Variants in TPST1 observed in about 807,000 individuals in gnomAD.
The protein encoded by TPST1 is protein-tyrosine sulfotransferase 1.
A neutral mutation model predicts 34.8 loss-of-function variants in TPST1; 20 were observed. That is an observed-to-expected ratio of 0.57 (90% CI 0.40 to 0.84). The LOEUF (loss-of-function observed/expected upper bound fraction) is 0.84, where lower values mean the gene tolerates loss of function less well. Among genes scored for constraint, TPST1 ranks in the 40% least tolerant of loss-of-function variants. The pLI, the probability that TPST1 is intolerant of heterozygous loss-of-function variation, is 0.00. For synonymous variants in TPST1, 152 were observed against 159.4 expected (o/e 0.95, Z 0.35); for missense variants, 353 against 455.5 (o/e 0.78, Z 2.05).
Position 66,356,872 on chromosome 7 carries a change from G to A in TPST1, c.*29+1G>A. 6.2e-7 allele frequency: 1 copy of A among 1,614,152 alleles called. No homozygotes were observed. The highest frequency in any genetic ancestry group is 8.5e-7 in the Non-Finnish European group (1 of 1,180,000). On this transcript the variant is annotated splice_donor_variant, in intron 5 of 5. Coordinates refer to ENST00000304842, the MANE Select transcript of TPST1 (RefSeq NM_003596.4). LOFTEE classifies it low-confidence loss of function (3UTR_SPLICE). ...ACCAGGAGCCTCTTCCATACATGAG[G>A]TGAGGGTTGGGGGACATTGCCAGGT...
At chr7:66,207,461 G>A (rs1416749113) in intron 1 of TPST1, among the ~76,000 whole-genome samples, 1 of 152,160 alleles carries the variant, frequency 6.6e-6, no homozygotes, top group Non-Finnish European at 1.5e-5. Context: ...TAACGTCTTT[G>A]ATCTCTTCCC....
chr7:66,229,964 G>A (rs916973243), intron 1 of TPST1, among the ~76,000 whole-genome samples: 2 of 152,070 alleles, frequency 1.3e-5, no homozygotes, highest in Non-Finnish European at 1.5e-5. Flanking sequence ...CGAGGCGGGC[G>A]GATCATGAGG....
At chr7:66,343,398 T>TGCAAGAGA (rs1035061031) in intron 3 of TPST1, among the ~76,000 whole-genome samples, 4 of 152,108 alleles carry the variant, frequency 2.6e-5, no homozygotes, top group Non-Finnish European at 5.9e-5. Context: ...CACTGGGTAC[T>TGCAAGAGA]GCAAGAGACA....
At chr7:66,199,587 C>T in the TPST1 span, among the ~76,000 whole-genome samples, 1 of 152,008 alleles carries the variant, frequency 6.6e-6, no homozygotes, top group African/African-American at 2.4e-5. Flanking sequence ...AGCCACTGCA[C>T]CTGGCCTCAA....
chr7:66,206,238 G>A (rs1789128915), intron 1 of TPST1, among the ~76,000 whole-genome samples: 1 of 151,370 alleles, frequency 6.6e-6, no homozygotes, highest in Admixed American at 6.6e-5. Flanking sequence ...GATTACAGGC[G>A]TGAGCCACTG....
At chr7:66,201,272 G>A (rs1789031336), upstream of TPST1, among the ~76,000 whole-genome samples, 1 of 151,220 alleles carries the variant, frequency 6.6e-6, no homozygotes, top group African/African-American at 2.4e-5. Flanking sequence ...GGCCAGGCGT[G>A]ATGGCTCATG....
At chr7:66,341,976 A>T (rs1792247494) in intron 3 of TPST1, among the ~76,000 whole-genome samples, 1 of 152,160 alleles carries the variant, frequency 6.6e-6, no homozygotes, top group Non-Finnish European at 1.5e-5. Context: ...AAGAAAAAAC[A>T]AGAGATGACT....
chr7:66,235,833 G>A (rs1019667559), intron 1 of TPST1, among the ~76,000 whole-genome samples: 2 of 152,008 alleles, frequency 1.3e-5, no homozygotes, highest in Admixed American at 6.6e-5. Flanking sequence ...GGGACAGCTC[G>A]AAGCAAAGGC....
At chr7:66,350,829 G>GT (rs966776122) in intron 3 of TPST1, among the ~76,000 whole-genome samples, 10 of 151,362 alleles carry the variant, frequency 6.6e-5, no homozygotes, top group South Asian at 2.1e-4. Context: ...TTGTTCCCAA[G>GT]TTTTTTTTTG....
At position 66,240,710 on chromosome 7, in the gene TPST1, T is replaced by C; in HGVS notation, c.285T>C (p.Ile95=). 1 of 1,614,190 alleles carries C rather than the reference T, an allele frequency of 6.2e-7. No individual in the cohort carries two copies. Among genetic ancestry groups the C allele is most frequent in the East Asian group, 2.2e-5 (1 of 44,880 alleles). Residue 95 remains isoleucine (I), a synonymous_variant, in exon 2 of 6, where the codon ATT becomes ATC. Coordinates refer to ENST00000304842, the MANE Select transcript of TPST1 (RefSeq NM_003596.4). ...MRAMLDAHPD[I]RCGEETRVIP... is the part of the protein sequence containing the mutation. ...CCATGCTGGACGCACATCCTGACAT[T>C]CGCTGTGGAGAGGAAACCAGGGTCA...
At chr7:66,303,391 G>GTGTATGTGTGTATGTATGTATGTA (rs1554350566) in intron 3 of TPST1, among the ~76,000 whole-genome samples, 2 of 150,048 alleles carry the variant, frequency 1.3e-5, no homozygotes, top group African/African-American at 4.9e-5. Context: ...ACAGCTGTGT[G>GTGTATGTGTGTATGTATGTATGTA]TGTATGTATG....
At chr7:66,233,116 G>A (rs1029142950) in intron 1 of TPST1, among the ~76,000 whole-genome samples, 2 of 151,124 alleles carry the variant, frequency 1.3e-5, no homozygotes, top group African/African-American at 4.9e-5. Flanking sequence ...CCCTTCTCAG[G>A]CATATAATTT....
intron 3 of TPST1, among the ~76,000 whole-genome samples, chr7:66,325,808 G>C (rs185648781): frequency 6.6e-6 from 1 of 151,258 alleles, no homozygotes; most frequent in African/African-American, 2.4e-5. Flanking sequence ...GCTAATTTTT[G>C]TATTTTTAGT....
intron 1 of TPST1, among the ~76,000 whole-genome samples, chr7:66,226,205 A>G (rs1182359135): frequency 6.6e-6 from 1 of 151,994 alleles, no homozygotes; most frequent in East Asian, 1.9e-4. Flanking sequence ...GTTTTTTTGT[A>G]GGTTCAGTAT....
chr7:66,237,829 T>G (rs568378522), intron 1 of TPST1, among the ~76,000 whole-genome samples: 2 of 152,096 alleles, frequency 1.3e-5, no homozygotes, highest in South Asian at 4.2e-4. Context: ...CAGAGATGAG[T>G]TGATGTTGCA....
intron 1 of TPST1, among the ~76,000 whole-genome samples, chr7:66,215,836 G>T (rs961934188): frequency 7.2e-6 from 1 of 139,118 alleles, no homozygotes; most frequent in Middle Eastern, 4.1e-3. Context: ...GCAGTGGCAC[G>T]ATCTCGGCTC....
At chr7:66,207,032 C>T (rs1240292660) in intron 1 of TPST1, among the ~76,000 whole-genome samples, 4 of 152,082 alleles carry the variant, frequency 2.6e-5, no homozygotes, top group Non-Finnish European at 5.9e-5. Context: ...AAAGCATTGT[C>T]ATTGGCCCTG....
chr7:66,225,570 C>T (rs545585941), intron 1 of TPST1, among the ~76,000 whole-genome samples: 80 of 151,268 alleles, frequency 5.3e-4, no homozygotes, highest in African/African-American at 1.8e-3. Context: ...CGAGATTGTG[C>T]CATTGCACTC....
intron 1 of TPST1, among the ~76,000 whole-genome samples, chr7:66,221,145 A>G (rs1789535060): frequency 2.0e-5 from 3 of 152,014 alleles, no homozygotes; most frequent in Admixed American, 2.0e-4. Context: ...AAAAAAAAAA[A>G]AGCTAATTCC....
Sources: gnomAD v4.1 joint callset for allele counts (sites outside exome capture counted in the v4.1 genomes callset) on GRCh38, gnomAD v4.1.1 for gene constraint, MANE v1.5 for transcripts, NCBI Gene and HGNC (gene_info 2026-07-23, HGNC 2026-07-21) for gene names.